Variants in SPEF2 observed in about 807,000 individuals in gnomAD.
The protein encoded by SPEF2 is sperm flagellar and cilia associated 2.
Under a neutral mutation model 224.6 loss-of-function variants are expected in SPEF2, and 187 were observed. That is an observed-to-expected ratio of 0.83 (90% CI 0.74 to 0.94). The LOEUF (loss-of-function observed/expected upper bound fraction) is 0.94, where lower values mean the gene tolerates loss of function less well. Ranked by LOEUF, SPEF2 falls within the 40% of genes least tolerant of loss-of-function variation. SPEF2 has a pLI of 0.00. For missense variants in SPEF2, 2,170 were observed against 2,135.6 expected, an observed-to-expected ratio of 1.02 and a Z score of -0.32; for synonymous variants, 715 against 707.3, an observed-to-expected ratio of 1.01 and a Z score of -0.17.
At position 35,667,223 on chromosome 5, in the gene SPEF2, C is replaced by T. The variant is rs533707062; in HGVS notation, c.1319C>T (p.Ser440Phe). 19 of 1,604,964 alleles carry T rather than the reference C, an allele frequency of 1.2e-5. No homozygotes were observed. The South Asian group carries it at 1.8e-4, about 15-fold the overall frequency. ...AEILDQIVDL[S>F]TKVADYRMLT... ...ATTTTGGATCAAATAGTTGATTTGTCCACTAAAGTGGCAGACTATCGAATG... is the reference window on the plus strand; with the variant it reads ...ATTTTGGATCAAATAGTTGATTTGTTCACTAAAGTGGCAGACTATCGAATG... Residue 440 changes from serine (S) to phenylalanine (F), a missense_variant, in exon 9 of 37, where the codon TCC becomes TTC. Physicochemically the swap from Ser to Phe is radical, Grantham distance 155 (BLOSUM62 -2). Coordinates refer to ENST00000356031, the MANE Select transcript of SPEF2 (RefSeq NM_024867.4).
chr5:35,785,704 G>GT (rs1202233723), intron 30 of SPEF2, among the ~76,000 whole-genome samples: 2 of 148,590 alleles, frequency 1.3e-5, no homozygotes, highest in Non-Finnish European at 3.0e-5. Flanking sequence ...CAGCTAATTT[G>GT]TTTTTTTAAT....
At chr5:35,779,410 C>T in intron 30 of SPEF2, 64 bp downstream of exon 30, 2 of 1,250,440 alleles carry the variant, frequency 1.6e-6, no homozygotes, top group Non-Finnish European at 2.2e-6. Flanking sequence ...GGACAGAAAT[C>T]ACTTGCCAAC....
intron 16 of SPEF2, among the ~76,000 whole-genome samples, chr5:35,703,538 A>G (rs1739128092): frequency 6.6e-6 from 1 of 151,900 alleles, no homozygotes; most frequent in Non-Finnish European, 1.5e-5. Flanking sequence ...CACAAAATTC[A>G]TTGGCCATGG....
At chr5:35,781,394 G>T (rs910360166) in intron 30 of SPEF2, 1 of 152,200 alleles carries the variant, frequency 6.6e-6, no homozygotes. Flanking sequence ...AGGGTAAAGA[G>T]ATTTTGTGGC....
At chr5:35,624,798 G>A (rs529269465) in intron 1 of SPEF2, among the ~76,000 whole-genome samples, 21 of 152,116 alleles carry the variant, frequency 1.4e-4, no homozygotes, top group African/African-American at 3.9e-4. Context: ...CACCATGCCC[G>A]GCTACTTTTT....
chr5:35,800,379 T>C (rs1757260857), intron 34 of SPEF2, among the ~76,000 whole-genome samples: 1 of 152,222 alleles, frequency 6.6e-6, no homozygotes, highest in Non-Finnish European at 1.5e-5. Flanking sequence ...TCAAAGTGTC[T>C]TGGTGGAATC....
At chr5:35,623,586 A>G (rs1743816561) in intron 1 of SPEF2, among the ~76,000 whole-genome samples, 1 of 152,230 alleles carries the variant, frequency 6.6e-6, no homozygotes, top group Non-Finnish European at 1.5e-5. Context: ...GGATGTGTCT[A>G]TTTAAATATT....
intron 10 of SPEF2, among the ~76,000 whole-genome samples, chr5:35,673,637 C>G (rs1337655776): frequency 6.6e-6 from 1 of 152,096 alleles, no homozygotes; most frequent in Non-Finnish European, 1.5e-5. Context: ...TCCATGTTGT[C>G]TTAAGTTGTT....
chr5:35,649,523 G>A, intron 6 of SPEF2, 98 bp downstream of exon 6: 1 of 895,524 alleles, frequency 1.1e-6, no homozygotes, highest in Non-Finnish European at 1.7e-6. Context: ...AGCTATTCCA[G>A]GATCTTTTCA....
chr5:35,753,605 G>A lies in SPEF2; in HGVS notation c.3331-19G>A, dbSNP rs1159118302. ...CAGCAATCTAAAGCATAGCCACCAT[G>A]CCTGTTTTTTCTGTTCAGGATCTGC... On this transcript the variant is annotated intron_variant, in intron 23 of 36. Coordinates refer to ENST00000356031, the MANE Select transcript of SPEF2 (RefSeq NM_024867.4). The A allele has an allele frequency of 3.7e-6, 6 of 1,613,598 alleles. No individual in the cohort carries two copies. Among genetic ancestry groups the A allele is most frequent in the African/African-American group, 1.3e-5 (1 of 74,918 alleles).
intron 26 of SPEF2, among the ~76,000 whole-genome samples, chr5:35,766,194 G>C (rs904642874): frequency 6.6e-6 from 1 of 151,960 alleles, no homozygotes; most frequent in African/African-American, 2.4e-5. Context: ...GGAAAATTTT[G>C]TGGAAGTTGG....
intron 21 of SPEF2, 149 bp downstream of exon 21, chr5:35,727,972 G>T: frequency 1.3e-6 from 1 of 754,448 alleles, no homozygotes; most frequent in Non-Finnish European, 2.0e-6. Context: ...ACTACTCAAT[G>T]ACCCATATCT....
intron 23 of SPEF2, among the ~76,000 whole-genome samples, chr5:35,741,192 G>A (rs1395767407): frequency 6.6e-6 from 1 of 152,308 alleles, no homozygotes; most frequent in East Asian, 1.9e-4. Flanking sequence ...TAGTGAATGT[G>A]TCCTTAGTCA....
intron 10 of SPEF2, among the ~76,000 whole-genome samples, chr5:35,682,138 A>G (rs916826440): frequency 1.3e-5 from 2 of 152,146 alleles, no homozygotes; most frequent in African/African-American, 2.4e-5. Flanking sequence ...GCCAAGGGAA[A>G]GCTAGCCATA....
Position 35,646,785 on chromosome 5 carries a change from T to C in SPEF2, c.704T>C (p.Met235Thr). 3.1e-6 allele frequency: 5 copies of C among 1,613,590 alleles called. No individual in the cohort carries two copies. In the African/African-American group the frequency reaches 4.0e-5, roughly 13 times the overall value. ...TLKALEAQKMMKKKKEAEDVA... is the reference protein window; with the variant it reads ...TLKALEAQKMTKKKKEAEDVA... ...AAAGCACTCGAGGCCCAAAAAATGATGAAAAAGAAAAAAGAGGCAGAAGTA... is the reference window on the plus strand; with the variant it reads ...AAAGCACTCGAGGCCCAAAAAATGACGAAAAAGAAAAAAGAGGCAGAAGTA... Residue 235 changes from methionine (M) to threonine (T), a missense_variant, in exon 5 of 37, where the codon ATG becomes ACG. By Grantham distance (81) the Met-to-Thr change is moderately conservative. Transcript: ENST00000356031.
rs142670801 is a variant in SPEF2 at position 35,772,916 on chromosome 5, C to T, written c.3950-977C>T. Among the ~76,000 whole-genome samples, 11 of 152,212 alleles carry T rather than the reference C, an allele frequency of 7.2e-5. 1 individual carries two copies. In the East Asian group the frequency reaches 2.1e-3, roughly 29 times the overall value. On this transcript the variant is annotated intron_variant, in intron 27 of 36. Transcript: ENST00000356031. The stretch of plus-strand genomic sequence containing the variant: ...GATTTGAACCCTTCGAAGTCAGACC[C>T]TCAAGAAAGATTAGTTGAACTGAAA...
intron 2 of SPEF2, among the ~76,000 whole-genome samples, chr5:35,640,836 T>C (rs931839759): frequency 2.6e-5 from 4 of 152,182 alleles, no homozygotes; most frequent in Admixed American, 6.6e-5. Flanking sequence ...ACTATTTTTG[T>C]TGACATTGGC....
At chr5:35,639,325 A>AT (rs1224198105) in intron 2 of SPEF2, among the ~76,000 whole-genome samples, 3 of 152,122 alleles carry the variant, frequency 2.0e-5, no homozygotes, top group South Asian at 2.1e-4. Context: ...GGAACAGCCC[A>AT]TTTTTTCCCC....
chr5:35,773,714 T>G (rs1172773087), intron 27 of SPEF2, among the ~76,000 whole-genome samples, 179 bp from the exon 28 acceptor site: 1 of 152,170 alleles, frequency 6.6e-6, no homozygotes, highest in Non-Finnish European at 1.5e-5. Flanking sequence ...ATACAGAGAA[T>G]TCTCAAGGAA....
Sources: gnomAD v4.1 joint callset for allele counts (sites outside exome capture counted in the v4.1 genomes callset) on GRCh38, gnomAD v4.1.1 for gene constraint, MANE v1.5 for transcripts, NCBI Gene and HGNC (gene_info 2026-07-23, HGNC 2026-07-21) for gene names.